TRIM26: variants seen among roughly 807,000 people sequenced by gnomAD.
TRIM26 encodes tripartite motif-containing protein 26.
TRIM26 carries 16 observed loss-of-function variants against 45.5 expected under a neutral mutation model. The ratio of observed to expected loss-of-function variants is 0.35; its 90% confidence interval spans 0.24 to 0.53. The LOEUF (loss-of-function observed/expected upper bound fraction) is 0.53, where lower values mean the gene tolerates loss of function less well. Ranked by LOEUF, TRIM26 falls within the 20% of genes least tolerant of loss-of-function variation. The probability of loss-of-function intolerance (pLI) is 0.92; values close to 1 mark genes in which losing one functional copy is unlikely to be tolerated. For missense variants in TRIM26, 442 were observed against 691.1 expected (o/e 0.64, Z 4.04); for synonymous variants, 273 against 290.4 (o/e 0.94, Z 0.61).
rs1375039625 is a variant in TRIM26, at chr6:30,186,125, C to T, written c.1371G>A (p.Glu457=). The T allele has an allele frequency of 6.3e-7, 1 of 1,590,948 alleles. No individual in the cohort carries two copies. The highest frequency in any genetic ancestry group is 8.6e-7 in the Non-Finnish European group (1 of 1,168,370). ...KRKGDLSLRP[E]DGVWALRLSS... is the part of the protein sequence containing the mutation. The stretch of plus-strand genomic sequence containing the variant: ...AGAGGCGCAGCGCCCACACGCCATC[C>T]TCTGGCCGCAGGGAGAGGTCTCCCT... Residue 457 remains glutamate (E), a synonymous_variant, in exon 10 of 10, where the codon GAG becomes GAA. Transcript: ENST00000454678. This position sits in a 1 kb window ranked among gnomAD's most constrained non-coding sequence, Gnocchi z 7.4.
rs1454621741 is a variant in TRIM26 at position 30,209,719 on chromosome 6, G to A, written c.-376+3586C>T. On this transcript the variant is annotated intron_variant, in intron 1 of 9. Coordinates refer to ENST00000454678, the MANE Select transcript of TRIM26 (RefSeq NM_003449.5). The surrounding 1 kb of genome is among the most constrained non-coding windows in gnomAD (Gnocchi z 4.8). Reference sequence around the variant, plus strand: ...TCCTGCTTCAAATCTCCTAGCTGAGGCTGGGTTTGGTGCCTCATGCCTATA... The same window carrying A: ...TCCTGCTTCAAATCTCCTAGCTGAGACTGGGTTTGGTGCCTCATGCCTATA... Among the ~76,000 whole-genome samples the A allele has an allele frequency of 1.3e-5, 2 of 152,112 alleles. No homozygotes were observed. Among genetic ancestry groups the A allele is most frequent in the African/African-American group, 4.8e-5 (2 of 41,420 alleles).
rs777331810 is a variant in TRIM26, at chr6:30,198,811, T to C, written c.293A>G (p.Asp98Gly). 6.3e-7 allele frequency: 1 copy of C among 1,597,456 alleles called. No homozygotes were observed. The highest frequency in any genetic ancestry group is 2.3e-5 in the East Asian group (1 of 44,336). Residue 98 changes from aspartate (D) to glycine (G), a missense_variant, in exon 4 of 10, where the codon GAT becomes GGT. Asp to Gly is a moderately conservative substitution (Grantham distance 94). Coordinates refer to ENST00000454678, the MANE Select transcript of TRIM26 (RefSeq NM_003449.5). The surrounding 1 kb of genome is among the most constrained non-coding windows in gnomAD (Gnocchi z 6.3). ...QPGEVTREQQ[D>G]AKLCERHREK... Reference sequence around the variant, plus strand: ...TCGGTGTCGCTCGCACAACTTTGCATCCTGCTGCTCCCGGGTCACCTCTCC... The same window carrying C: ...TCGGTGTCGCTCGCACAACTTTGCACCCTGCTGCTCCCGGGTCACCTCTCC...
At chr6:30,212,879 C>CTG (rs1486525578) in intron 1 of TRIM26, among the ~76,000 whole-genome samples, 1 of 147,016 alleles carries the variant, frequency 6.8e-6, no homozygotes, top group Non-Finnish European at 1.5e-5. Flanking sequence ...GAAAGCACAG[C>CTG]TCCAAGTATT....
rs1025290421 is a variant in TRIM26 at position 30,185,767 on chromosome 6, T to C, written c.*109A>G. ...GAGGTGGCTACCAGTGGATATGGGG[T>C]CCCCTGCTCCAGGTGCTTAGGCCAG... On this transcript the variant is annotated 3_prime_UTR_variant, in exon 10 of 10. Transcript: ENST00000454678. This position sits in a 1 kb window ranked among gnomAD's most constrained non-coding sequence, Gnocchi z 5.7. The C allele has an allele frequency of 9.3e-5, 118 of 1,271,506 alleles. 1 individual carries two copies. Among genetic ancestry groups the C allele is most frequent in the Middle Eastern group, 1.9e-4 (1 of 5,202 alleles). 78.8% of individuals were successfully genotyped at this position (1,271,506 alleles called of 1,614,324 possible). A position where few individuals can be genotyped will look rare whatever the true frequency, so the allele number is the denominator to read the frequency against.
intron 3 of TRIM26, among the ~76,000 whole-genome samples, chr6:30,200,187 CAGA>C (rs1356653881): frequency 5.9e-5 from 9 of 152,120 alleles, no homozygotes; most frequent in African/African-American, 2.2e-4. Flanking sequence ...GAGGCTGTGG[CAGA>C]AGGATTACTT....
chr6:30,199,165 G>A lies in TRIM26; in HGVS notation c.-62C>T, dbSNP rs1208279645. The A allele has an allele frequency of 1.2e-5, 18 of 1,484,450 alleles. No homozygotes were observed. The highest frequency in any genetic ancestry group is 8.2e-5 in the South Asian group (6 of 73,074). The allele number at this position is 1,484,450 out of a possible 1,614,324, so 92.0% of individuals were successfully genotyped here. A position where few individuals can be genotyped will look rare whatever the true frequency, so the allele number is the denominator to read the frequency against. Reference sequence around the variant, plus strand: ...GAGGACTTCTTCTCCTTGGAGACGCGACATAGAGTCAGGAGCAAGCACAGT... The same window carrying A: ...GAGGACTTCTTCTCCTTGGAGACGCAACATAGAGTCAGGAGCAAGCACAGT... On this transcript the variant is annotated 5_prime_UTR_variant, in exon 4 of 10. Coordinates refer to ENST00000454678, the MANE Select transcript of TRIM26 (RefSeq NM_003449.5).
intron 2 of TRIM26, among the ~76,000 whole-genome samples, chr6:30,202,377 C>T (rs1333193819): frequency 3.3e-5 from 5 of 152,188 alleles, no homozygotes; most frequent in Admixed American, 2.0e-4. Context: ...CATTTTGCGA[C>T]TGCCATTATA....
At chr6:30,192,251 C>T (rs1775925747) in intron 6 of TRIM26, among the ~76,000 whole-genome samples, 1 of 152,190 alleles carries the variant, frequency 6.6e-6, no homozygotes, top group Admixed American at 6.5e-5. Flanking sequence ...ATGGCAAGCT[C>T]CCGGAGGGGA....
At chr6:30,193,356 ATT>A (rs1007328401) in intron 6 of TRIM26, among the ~76,000 whole-genome samples, 8 of 149,474 alleles carry the variant, frequency 5.4e-5, no homozygotes, top group Non-Finnish European at 1.2e-4. Flanking sequence ...TAATTTTTGT[ATT>A]TTTAGTAGAG....
chr6:30,213,039 G>A (rs1197918766), intron 1 of TRIM26, among the ~76,000 whole-genome samples: 2 of 152,148 alleles, frequency 1.3e-5, no homozygotes, highest in African/African-American at 2.4e-5. Context: ...CTTACTTCTG[G>A]TTCCGCAGAC....
At position 30,186,449 on chromosome 6, in the gene TRIM26, C is replaced by T; in HGVS notation, c.1047G>A (p.Gln349=). The T allele has an allele frequency of 6.2e-7, 1 of 1,600,230 alleles. No homozygotes were observed. Among genetic ancestry groups the T allele is most frequent in the South Asian group, 1.1e-5 (1 of 88,628 alleles). The change falls in exon 10 of 10, where the codon CAG becomes CAA. Residue 349 remains glutamine, a synonymous_variant. Coordinates refer to ENST00000454678, the MANE Select transcript of TRIM26 (RefSeq NM_003449.5). This position sits in a 1 kb window ranked among gnomAD's most constrained non-coding sequence, Gnocchi z 7.4. Reference sequence around the variant, plus strand: ...GCACCCCAGGCTCACAGTCAAACTGCTGGGGGTGCAGGTAGGCACTCTTGT... The same window carrying T: ...GCACCCCAGGCTCACAGTCAAACTGTTGGGGGTGCAGGTAGGCACTCTTGT... The part of the protein sequence containing the change: ...SLYKSAYLHP[Q]QFDCEPGVLG...
At chr6:30,187,325 C>A in intron 9 of TRIM26, 1 of 321,686 alleles carries the variant, frequency 3.1e-6, no homozygotes, top group South Asian at 3.3e-5. Flanking sequence ...ATTAAGCTGT[C>A]ATCCACGGGA....
At chr6:30,193,062 GTA>G (rs9278605) in intron 6 of TRIM26, among the ~76,000 whole-genome samples, 105,933 of 125,564 alleles carry the variant, frequency 0.84, 44,832 homozygotes, top group African/African-American at 0.93. Context: ...CAGCTTTGTA[GTA>G]TATATATATA....
intron 2 of TRIM26, among the ~76,000 whole-genome samples, chr6:30,203,448 C>G (rs1186924819): frequency 1.3e-5 from 2 of 151,692 alleles, no homozygotes; most frequent in East Asian, 3.9e-4. Flanking sequence ...TGGAGTTTTT[C>G]TCTTGTTGCC....
intron 5 of TRIM26, among the ~76,000 whole-genome samples, chr6:30,197,250 C>T (rs527450945): frequency 2.9e-4 from 44 of 152,304 alleles, no homozygotes; most frequent in Admixed American, 1.8e-3. Context: ...AATTGTGTGA[C>T]GTCTGTGCTT....
intron 3 of TRIM26, among the ~76,000 whole-genome samples, chr6:30,200,088 T>C (rs1776989559): frequency 6.6e-6 from 1 of 152,074 alleles, no homozygotes; most frequent in South Asian, 2.1e-4. Flanking sequence ...CTCAGCAACA[T>C]AGTGAGACCC....
At chr6:30,195,163 T>C (rs1776330646) in intron 6 of TRIM26, among the ~76,000 whole-genome samples, 1 of 152,086 alleles carries the variant, frequency 6.6e-6, no homozygotes, top group Non-Finnish European at 1.5e-5. Flanking sequence ...AAGGCACCCC[T>C]CCGGGCAAAC....
chr6:30,188,914 C>A (rs907777479), intron 9 of TRIM26, among the ~76,000 whole-genome samples: 1 of 152,124 alleles, frequency 6.6e-6, no homozygotes, highest in African/African-American at 2.4e-5. Context: ...GTGGTAGGAC[C>A]TGTGAGGATA....
Position 30,186,428 on chromosome 6 carries a change from C to G in TRIM26, c.1068G>C (p.Gly356=), listed in dbSNP as rs772862335. ...AGGTGAAGCCCTTGCTGCCTAGCACCCCAGGCTCACAGTCAAACTGCTGGG... is the reference window on the plus strand; with the variant it reads ...AGGTGAAGCCCTTGCTGCCTAGCACGCCAGGCTCACAGTCAAACTGCTGGG... The part of the protein sequence containing the change: ...LHPQQFDCEP[G]VLGSKGFTWG... Residue 356 remains glycine (G), a synonymous_variant, in exon 10 of 10, where the codon GGG becomes GGC. Transcript: ENST00000454678. The surrounding 1 kb of genome is among the most constrained non-coding windows in gnomAD (Gnocchi z 7.4). 6.2e-7 allele frequency: 1 copy of G among 1,607,294 alleles called. No homozygotes were observed. Among genetic ancestry groups the G allele is most frequent in the East Asian group, 2.2e-5 (1 of 44,804 alleles).
Sources: allele counts gnomAD v4.1 joint callset (sites outside exome capture counted in the v4.1 genomes callset), GRCh38; gene constraint gnomAD v4.1.1; non-coding constraint Gnocchi (gnomAD v3.1); transcripts MANE v1.5; gene names NCBI Gene and HGNC (gene_info 2026-07-23, HGNC 2026-07-21).